EPB41L1: variants seen among roughly 807,000 people sequenced by gnomAD.
EPB41L1 encodes band 4.1-like protein 1.
A neutral mutation model predicts 97.8 loss-of-function variants in EPB41L1; 29 were observed. The observed-to-expected ratio is 0.30, with a 90% confidence interval of 0.22 to 0.40. The LOEUF (loss-of-function observed/expected upper bound fraction) is 0.40. EPB41L1 is among the 10% of genes least tolerant of loss of function. The probability of loss-of-function intolerance (pLI) is 1.00; values close to 1 mark genes in which losing one functional copy is unlikely to be tolerated. For synonymous variants in EPB41L1, 383 were observed against 459.2 expected, an observed-to-expected ratio of 0.83 and a Z score of 2.12; for missense variants, 812 against 1,162.3, an observed-to-expected ratio of 0.70 and a Z score of 4.38.
chr20:36,169,666 C>A (rs2145815845), intron 1 of EPB41L1, among the ~76,000 whole-genome samples: 1 of 152,338 alleles, frequency 6.6e-6, no homozygotes, highest in South Asian at 2.1e-4. Context: ...GGCATTTGCC[C>A]ACATGGTGAC....
chr20:36,220,017 G>A (rs899473491), intron 19 of EPB41L1, among the ~76,000 whole-genome samples, 173 bp downstream of exon 19: 11 of 152,392 alleles, frequency 7.2e-5, no homozygotes, highest in Non-Finnish European at 1.3e-4. Flanking sequence ...TTCTAGGCAC[G>A]GGCCCTTCCC....
chr20:36,191,542 C>G (rs1342647155), intron 11 of EPB41L1, among the ~76,000 whole-genome samples: 1 of 152,174 alleles, frequency 6.6e-6, no homozygotes, highest in Non-Finnish European at 1.5e-5. Context: ...CCCAGACCTA[C>G]TAAATCAGCA....
At position 36,211,626 on chromosome 20, in the gene EPB41L1, G is replaced by T. The variant is rs564945726; in HGVS notation, c.2080-646G>T. Reference sequence around the variant, plus strand: ...CCCAGCACTTTGGGAGGCTGAGGCAGGTGGATCACTTGAGGTCAGGGGTTC... The same window carrying T: ...CCCAGCACTTTGGGAGGCTGAGGCATGTGGATCACTTGAGGTCAGGGGTTC... On this transcript the variant is annotated intron_variant, in intron 15 of 21. Coordinates refer to ENST00000338074, the MANE Select transcript of EPB41L1 (RefSeq NM_012156.2). Among the ~76,000 whole-genome samples, 5 of 152,272 alleles carry T rather than the reference G, an allele frequency of 3.3e-5. No homozygotes were observed. In the South Asian group the frequency reaches 1.0e-3, roughly 32 times the overall value.
intron 2 of EPB41L1, among the ~76,000 whole-genome samples, chr20:36,139,202 C>T (rs530326108): frequency 6.6e-6 from 1 of 152,294 alleles, no homozygotes; most frequent in Non-Finnish European, 1.5e-5. Context: ...GCTAGGCCAA[C>T]GAGGATTCTC....
At chr20:36,227,367 C>G (rs1334168264) in intron 21 of EPB41L1, among the ~76,000 whole-genome samples, 1 of 152,178 alleles carries the variant, frequency 6.6e-6, no homozygotes, top group Non-Finnish European at 1.5e-5. Context: ...ATGGATACAA[C>G]TAGGTTTTGG....
At chr20:36,101,154 C>T (rs1173505210) in intron 1 of EPB41L1, among the ~76,000 whole-genome samples, 3 of 152,060 alleles carry the variant, frequency 2.0e-5, no homozygotes, top group African/African-American at 4.8e-5. Context: ...GGCTCAGTGA[C>T]GGGTGGAACT....
At chr20:36,155,776 A>T (rs1348607075) in intron 1 of EPB41L1, 1 of 390,562 alleles carries the variant, frequency 2.6e-6, no homozygotes, top group East Asian at 7.2e-5. Flanking sequence ...AGAGAGCACC[A>T]CGTGTTCCCA....
chr20:36,133,659 C>G (rs10221979), intron 2 of EPB41L1, among the ~76,000 whole-genome samples: 11,738 of 152,154 alleles, frequency 0.077, 591 homozygotes, highest in African/African-American at 0.14. Context: ...GAGTTTGAGA[C>G]CAGCCTGGGC....
At chr20:36,106,581 A>G (rs1373716811) in intron 1 of EPB41L1, among the ~76,000 whole-genome samples, 1 of 152,260 alleles carries the variant, frequency 6.6e-6, no homozygotes, top group Non-Finnish European at 1.5e-5. Context: ...CTGTGTGGGC[A>G]CCAGAGGTAA....
At chr20:36,172,098 TA>T (rs1327816908) in intron 1 of EPB41L1, among the ~76,000 whole-genome samples, 4 of 152,202 alleles carry the variant, frequency 2.6e-5, no homozygotes, top group Non-Finnish European at 4.4e-5. Flanking sequence ...AATTTAATTT[TA>T]TTTTTTTGAG....
chr20:36,200,743 C>A, intron 14 of EPB41L1: 1 of 375,884 alleles, frequency 2.7e-6, no homozygotes, highest in Non-Finnish European at 5.3e-6. Context: ...ACTTAAAAAG[C>A]TGGGCTATTT....
chr20:36,095,721 C>T (rs2057806668), intron 1 of EPB41L1, among the ~76,000 whole-genome samples: 1 of 152,194 alleles, frequency 6.6e-6, no homozygotes, highest in African/African-American at 2.4e-5. Context: ...TCACCAACAG[C>T]AGCAGGGTTA....
At chr20:36,224,906 C>T (rs1472844612) in intron 21 of EPB41L1, among the ~76,000 whole-genome samples, 1 of 152,162 alleles carries the variant, frequency 6.6e-6, no homozygotes, top group Non-Finnish European at 1.5e-5. Flanking sequence ...ACTCCAGCCT[C>T]CACCTCCCGG....
intron 3 of EPB41L1, among the ~76,000 whole-genome samples, chr20:36,177,539 C>T (rs139553368): frequency 2.6e-5 from 4 of 152,310 alleles, no homozygotes; most frequent in Admixed American, 6.5e-5. Context: ...TCCCCCTGCC[C>T]GCTTCTGTCA....
At chr20:36,125,746 G>A (rs1430657659) in intron 2 of EPB41L1, among the ~76,000 whole-genome samples, 1 of 152,150 alleles carries the variant, frequency 6.6e-6, no homozygotes, top group Non-Finnish European at 1.5e-5. Context: ...GACACTGCAG[G>A]GTATCAGGTT....
At chr20:36,180,416 C>T (rs1340413715) in intron 5 of EPB41L1, among the ~76,000 whole-genome samples, 1 of 152,196 alleles carries the variant, frequency 6.6e-6, no homozygotes, top group Non-Finnish European at 1.5e-5. Flanking sequence ...CCTCTGGGCC[C>T]CTGCTTCTCC....
At chr20:36,181,989 T>G (rs971313717) in intron 5 of EPB41L1, among the ~76,000 whole-genome samples, 1 of 152,202 alleles carries the variant, frequency 6.6e-6, no homozygotes, top group Non-Finnish European at 1.5e-5. Flanking sequence ...TGAGGTTTAC[T>G]GAAGTAATGT....
Position 36,190,819 on chromosome 20 carries a change from T to A in EPB41L1, c.1300+22T>A, listed in dbSNP as rs2061915443. The A allele has an allele frequency of 6.2e-7, 1 of 1,611,852 alleles. No individual in the cohort carries two copies. Among genetic ancestry groups the A allele is most frequent in the African/African-American group, 1.3e-5 (1 of 74,888 alleles). ...GGAGGTATGGCCCAAATTGGAGGGC[T>A]GGGCGGGGAATGGTCTTCAGAGGGA... On this transcript the variant is annotated intron_variant, in intron 11 of 21. Coordinates refer to ENST00000338074, the MANE Select transcript of EPB41L1 (RefSeq NM_012156.2). This position sits in a 1 kb window ranked among gnomAD's most constrained non-coding sequence, Gnocchi z 5.8.
intron 14 of EPB41L1, among the ~76,000 whole-genome samples, chr20:36,204,116 C>T (rs550365808): frequency 6.6e-6 from 1 of 152,270 alleles, no homozygotes; most frequent in African/African-American, 2.4e-5. Flanking sequence ...AGTTCAAGGC[C>T]TGCCTTTCCA....
Sources: gnomAD v4.1 joint callset for allele counts (sites outside exome capture counted in the v4.1 genomes callset) on GRCh38, gnomAD v4.1.1 for gene constraint, Gnocchi (gnomAD v3.1) non-coding constraint, MANE v1.5 for transcripts, NCBI Gene and HGNC (gene_info 2026-07-23, HGNC 2026-07-21) for gene names.